DNAJC1: variants seen among roughly 807,000 people sequenced by gnomAD.
The protein encoded by DNAJC1 is dnaJ homolog subfamily C member 1.
DNAJC1 carries 58 observed loss-of-function variants against 76.6 expected under a neutral mutation model. The ratio of observed to expected loss-of-function variants is 0.76; its 90% CI spans 0.61 to 0.94. DNAJC1 has a LOEUF of 0.94. DNAJC1 is among the 40% of genes least tolerant of loss of function. The pLI is 0.00. For missense variants in DNAJC1, 689 were observed against 677.3 expected (o/e 1.02, Z -0.19); for synonymous variants, 258 against 267.9 (o/e 0.96, Z 0.36).
chr10:21,936,900 T>G (rs967168774), intron 1 of DNAJC1, among the ~76,000 whole-genome samples: 2 of 152,116 alleles, frequency 1.3e-5, no homozygotes, highest in African/African-American at 4.8e-5. Context: ...AGAAAACAAA[T>G]AGCAAAATAG....
At chr10:21,870,680 T>C (rs1458844509) in intron 8 of DNAJC1, among the ~76,000 whole-genome samples, 1 of 151,696 alleles carries the variant, frequency 6.6e-6, no homozygotes, top group Non-Finnish European at 1.5e-5. Context: ...GAGGCTGAGG[T>C]GGGAGGATTG....
chr10:21,781,179 A>G (rs1420904911), intron 9 of DNAJC1, among the ~76,000 whole-genome samples: 1 of 152,234 alleles, frequency 6.6e-6, no homozygotes, highest in Non-Finnish European at 1.5e-5. Flanking sequence ...AACATTAGAC[A>G]GATCAAAGAG....
intron 8 of DNAJC1, among the ~76,000 whole-genome samples, chr10:21,851,947 G>A (rs1354740221): frequency 6.6e-6 from 1 of 151,990 alleles, no homozygotes. Flanking sequence ...CAGCTACTCG[G>A]AAGGCTGAGG....
intron 8 of DNAJC1, among the ~76,000 whole-genome samples, chr10:21,839,845 A>G (rs559753640): frequency 4.6e-5 from 7 of 152,216 alleles, no homozygotes; most frequent in Non-Finnish European, 1.0e-4. Flanking sequence ...CGATGCAAAA[A>G]TCCTCAGTAA....
chr10:21,930,669 A>G (rs1490188332), intron 1 of DNAJC1, among the ~76,000 whole-genome samples: 1 of 152,158 alleles, frequency 6.6e-6, no homozygotes. Flanking sequence ...AAAATTAACT[A>G]AAGTACTGCA....
At chr10:21,992,636 A>G (rs942831415) in intron 1 of DNAJC1, among the ~76,000 whole-genome samples, 2 of 152,214 alleles carry the variant, frequency 1.3e-5, no homozygotes, top group Non-Finnish European at 2.9e-5. Context: ...TGTGTTTTGT[A>G]TCACATATCT....
At chr10:21,786,098 G>A (rs1040922593) in intron 9 of DNAJC1, among the ~76,000 whole-genome samples, 4 of 152,042 alleles carry the variant, frequency 2.6e-5, no homozygotes, top group South Asian at 2.1e-4. Flanking sequence ...GGATACAGGC[G>A]CGTGAGGCAA....
At chr10:21,924,882 A>G (rs1438163707) in intron 3 of DNAJC1, among the ~76,000 whole-genome samples, 7 of 152,218 alleles carry the variant, frequency 4.6e-5, no homozygotes, top group African/African-American at 1.7e-4. Flanking sequence ...TGTACTGAAC[A>G]CTGTAGGCAA....
chr10:21,815,752 C>CTT (rs1282861016), intron 8 of DNAJC1, among the ~76,000 whole-genome samples: 2 of 144,974 alleles, frequency 1.4e-5, no homozygotes, highest in South Asian at 2.2e-4. Context: ...GGTTCATTTT[C>CTT]TTTTTTTTTT....
chr10:21,958,733 G>T (rs1837736208), intron 1 of DNAJC1, among the ~76,000 whole-genome samples: 1 of 151,726 alleles, frequency 6.6e-6, no homozygotes, highest in Admixed American at 6.6e-5. Flanking sequence ...GCCCAGATTT[G>T]CCTTTTCTAG....
At position 21,990,195 on chromosome 10, in the gene DNAJC1, A is replaced by G. The variant is rs1052836086; in HGVS notation, c.222+13018T>C. Among the ~76,000 whole-genome samples the G allele has an allele frequency of 2.0e-5, 3 of 152,180 alleles. No homozygotes were observed. In the East Asian group the frequency reaches 5.8e-4, roughly 29 times the overall value. On this transcript the variant is annotated intron_variant, in intron 1 of 11. Transcript: ENST00000376980. ...AAATCATCTTATTTTTCAATCTTCC[A>G]TAAATTTCCTATTGCTGACTTTGAT...
chr10:21,891,944 T>G (rs2131732129), intron 7 of DNAJC1, among the ~76,000 whole-genome samples: 1 of 152,284 alleles, frequency 6.6e-6, no homozygotes, highest in South Asian at 2.1e-4. Context: ...GTTTTCTAAT[T>G]ATGTCTGACC....
At position 21,839,674 on chromosome 10, in the gene DNAJC1, A is replaced by G. The variant is rs1835537389; in HGVS notation, c.979-33575T>C. 2.0e-5 allele frequency among the ~76,000 whole-genome samples: 3 copies of G among 152,194 alleles called. No homozygotes were observed. In the South Asian group the frequency reaches 6.2e-4, roughly 32 times the overall value. On this transcript the variant is annotated intron_variant, in intron 8 of 11. Transcript: ENST00000376980. ...CACAGCCGAATTCTACCAGAGGTAC[A>G]AGGAGGAGCTGGTACCATTCCTTCT...
intron 11 of DNAJC1, among the ~76,000 whole-genome samples, chr10:21,758,548 C>T (rs1834203145): frequency 6.6e-6 from 1 of 152,238 alleles, no homozygotes; most frequent in African/African-American, 2.4e-5. Context: ...CAACTACAAA[C>T]GGCCACGGCC....
At chr10:21,772,717 T>C (rs1834401899) in intron 9 of DNAJC1, among the ~76,000 whole-genome samples, 1 of 152,140 alleles carries the variant, frequency 6.6e-6, no homozygotes, top group Non-Finnish European at 1.5e-5. Context: ...TCTATTTCTT[T>C]ATTGTTCTCT....
At chr10:21,946,472 G>A (rs1837507122) in intron 1 of DNAJC1, among the ~76,000 whole-genome samples, 1 of 152,014 alleles carries the variant, frequency 6.6e-6, no homozygotes, top group Non-Finnish European at 1.5e-5. Flanking sequence ...AAAAGATAAT[G>A]TATCTTTATA....
At chr10:21,901,851 T>C (rs1690901645) in intron 7 of DNAJC1, among the ~76,000 whole-genome samples, 1 of 152,218 alleles carries the variant, frequency 6.6e-6, no homozygotes, top group Non-Finnish European at 1.5e-5. Flanking sequence ...GATGATGGTC[T>C]TTAAAATTAA....
intron 8 of DNAJC1, among the ~76,000 whole-genome samples, chr10:21,812,348 C>T (rs569388048): frequency 6.6e-5 from 10 of 152,240 alleles, no homozygotes; most frequent in Admixed American, 2.0e-4. Context: ...TGAGCCACTG[C>T]GCCCAGCCAG....
chr10:21,826,954 C>A (rs1358041916), intron 8 of DNAJC1, among the ~76,000 whole-genome samples: 2 of 149,522 alleles, frequency 1.3e-5, no homozygotes, highest in African/African-American at 5.0e-5. Flanking sequence ...CAACTCTGTT[C>A]TTGTTCAAGT....
Sources: allele counts gnomAD v4.1 joint callset (sites outside exome capture counted in the v4.1 genomes callset), GRCh38; gene constraint gnomAD v4.1.1; transcripts MANE v1.5; gene names NCBI Gene and HGNC (gene_info 2026-07-23, HGNC 2026-07-21).